Variants in RABL6 observed in about 807,000 individuals in gnomAD.
RABL6 encodes RAB, member RAS oncogene family like 6, also known as rab-like protein 6.
Under a neutral mutation model 72.9 loss-of-function variants are expected in RABL6, and 28 were observed. The ratio of observed to expected loss-of-function variants is 0.38; its 90% confidence interval spans 0.28 to 0.53. The LOEUF (loss-of-function observed/expected upper bound fraction) is 0.53, where lower values mean the gene tolerates loss of function less well. RABL6 is among the 20% of genes least tolerant of loss of function. The probability of loss-of-function intolerance (pLI) is 0.80; values close to 1 mark genes in which losing one functional copy is unlikely to be tolerated. For synonymous variants in RABL6, 477 were observed against 421.2 expected (o/e 1.13, Z -1.62); for missense variants, 1,029 against 1,008.4 (o/e 1.02, Z -0.28).
At chr9:136,838,186 A>G (rs1031974201) in intron 10 of RABL6, among the ~76,000 whole-genome samples, 171 bp downstream of exon 10, 1 of 152,180 alleles carries the variant, frequency 6.6e-6, no homozygotes, top group Admixed American at 6.5e-5. Context: ...AAGGGCTTGG[A>G]CGGGGCTTCC....
chr9:136,823,415 A>G, intron 1 of RABL6, 110 bp from the exon 2 acceptor site: 1 of 1,417,910 alleles, frequency 7.1e-7, no homozygotes, highest in Non-Finnish European at 9.5e-7. Flanking sequence ...TCTAGCAAGA[A>G]AGATGAAACA....
chr9:136,834,929 T>TA (rs71385775), intron 7 of RABL6, among the ~76,000 whole-genome samples: 18,846 of 73,992 alleles, frequency 0.25, 1,890 homozygotes, highest in Non-Finnish European at 0.3. Flanking sequence ...GACCCTGTTC[T>TA]AAAAAAAAAA....
At chr9:136,816,905 A>G (rs950183557) in intron 1 of RABL6, among the ~76,000 whole-genome samples, 4 of 152,202 alleles carry the variant, frequency 2.6e-5, no homozygotes, top group Non-Finnish European at 4.4e-5. Context: ...AGAGAAAATA[A>G]GACTCTTCAT....
chr9:136,835,830 AC>A lies in RABL6; in HGVS notation c.796del (p.Gln266ArgfsTer9). On this transcript the variant is annotated frameshift_variant, in exon 8 of 15. Coordinates refer to ENST00000311502, the MANE Select transcript of RABL6 (RefSeq NM_024718.5). LOFTEE classifies it high-confidence loss of function. ...CTGTCGGTGCAGCAGGAGACGGAGG[AC>A]CAGAACTACGGCATGTATGTGGCCG... is the stretch of plus-strand genomic sequence containing the variant. ...EELSVQQETE[D>X]QNYGIFLEMM... 6.4e-7 allele frequency: 1 copy of A among 1,554,438 alleles called. No individual in the cohort carries two copies. Among genetic ancestry groups the A allele is most frequent in the Non-Finnish European group, 8.7e-7 (1 of 1,150,206 alleles).
chr9:136,833,827 G>C (rs1040888833), intron 7 of RABL6: 3 of 1,550,432 alleles, frequency 1.9e-6, no homozygotes, highest in Non-Finnish European at 2.6e-6. Flanking sequence ...TGGGTTGGAA[G>C]GAAGGCGGCA....
intron 1 of RABL6, among the ~76,000 whole-genome samples, chr9:136,819,324 G>GAAAA (rs57726746): frequency 3.4e-5 from 2 of 58,918 alleles, no homozygotes; most frequent in East Asian, 3.8e-4. Context: ...TCCGTCTCAA[G>GAAAA]AAAAAAAAAA....
intron 1 of RABL6, chr9:136,813,805 CAG>C (rs1011830766): frequency 3.0e-5 from 6 of 198,224 alleles, no homozygotes; most frequent in African/African-American, 9.6e-5. Context: ...TTAGTAGAGA[CAG>C]GGTTTCACCG....
At position 136,839,320 on chromosome 9, in the gene RABL6, A is replaced by G. The variant is rs1848643479; in HGVS notation, c.1592A>G (p.Glu531Gly). 6.2e-7 allele frequency: 1 copy of G among 1,612,382 alleles called. No homozygotes were observed. Among genetic ancestry groups the G allele is most frequent in the Non-Finnish European group, 8.5e-7 (1 of 1,179,768 alleles). ...GGTGTCTCTGTTCGCACAGGTCCGG[A>G]GAAGCGCAGCAGCACCAGGCCCCCT... ...PGGVSVRTGP[E>G]KRSSTRPPAE... The change falls in exon 12 of 15, where the codon GAG becomes GGG. Residue 531 changes from glutamate (E) to glycine (G), a missense_variant. Physicochemically the swap from Glu to Gly is moderately conservative, Grantham distance 98 (BLOSUM62 -2). Coordinates refer to ENST00000311502, the MANE Select transcript of RABL6 (RefSeq NM_024718.5).
At chr9:136,835,602 T>G in intron 7 of RABL6, 140 bp from the exon 8 acceptor site, 4 of 688,742 alleles carry the variant, frequency 5.8e-6, no homozygotes, top group Non-Finnish European at 9.7e-6. Context: ...CAGAGCTCCA[T>G]GAGTTGCTGA....
intron 7 of RABL6, chr9:136,835,514 T>A: frequency 2.0e-6 from 1 of 498,174 alleles, no homozygotes; most frequent in Non-Finnish European, 3.6e-6. Context: ...CCCCAAGCCA[T>A]GCTGGCAGTG....
At chr9:136,823,256 G>GC (rs1332837482) in intron 1 of RABL6, among the ~76,000 whole-genome samples, 1 of 143,338 alleles carries the variant, frequency 7.0e-6, no homozygotes, top group Admixed American at 6.7e-5. Context: ...CAAGTAGAAA[G>GC]CCTGACCTGG....
chr9:136,815,795 A>G (rs1848107520), intron 1 of RABL6, among the ~76,000 whole-genome samples: 1 of 152,250 alleles, frequency 6.6e-6, no homozygotes, highest in African/African-American at 2.4e-5. Flanking sequence ...AGCTGCAGGA[A>G]TGTGAAGGAG....
chr9:136,837,076 T>C (rs1157685646), intron 8 of RABL6: 9 of 587,316 alleles, frequency 1.5e-5, no homozygotes, highest in Non-Finnish European at 1.8e-5. Context: ...GGGGTTTCAC[T>C]GCGTTAGCCA....
chr9:136,840,834 G>T lies in RABL6; in HGVS notation c.*312G>T. On this transcript the variant is annotated 3_prime_UTR_variant, in exon 15 of 15. Coordinates refer to ENST00000311502, the MANE Select transcript of RABL6 (RefSeq NM_024718.5). ...TGTGACTGAGGCCCAGGAGGGACCT[G>T]TGAGGGTCTGTTTACAGAGGCTGGG... is the stretch of plus-strand genomic sequence containing the variant. 2 of 1,546,074 alleles carry T rather than the reference G, an allele frequency of 1.3e-6. No homozygotes were observed. The highest frequency in any genetic ancestry group is 1.4e-5 in the African/African-American group (1 of 73,116).
At position 136,840,465 on chromosome 9, in the gene RABL6, G is replaced by A; in HGVS notation, c.2133G>A (p.Leu711=). ...CTGCCGATGAGCTGGAGGCTTTCCT[G>A]GGGGGCGGGGCCCCGGGCGGCCGCC... The part of the protein sequence containing the change: ...RTAADELEAF[L]GGGAPGGRHP... Residue 711 remains leucine, a synonymous_variant, in exon 15 of 15, where the codon CTG becomes CTA. Transcript: ENST00000311502. 6.5e-7 allele frequency: 1 copy of A among 1,536,706 alleles called. No homozygotes were observed. The highest frequency in any genetic ancestry group is 8.8e-7 in the Non-Finnish European group (1 of 1,141,990).
At chr9:136,823,707 C>T (rs781195182) in intron 2 of RABL6, 48 bp downstream of exon 2, 26 of 1,541,734 alleles carry the variant, frequency 1.7e-5, no homozygotes, top group Admixed American at 3.9e-5. Context: ...GGCTTCTCCT[C>T]CCTCAGCCCT....
In RABL6 at chr9:136,808,346, G is replaced by C; in HGVS notation, c.130+20G>C. ...ACAACAGTGAGTGCGGCGGGCCGGGGGGGCGCGGGAGCGCCGCGCGGGTCT... is the reference window on the plus strand; with the variant it reads ...ACAACAGTGAGTGCGGCGGGCCGGGCGGGCGCGGGAGCGCCGCGCGGGTCT... On this transcript the variant is annotated intron_variant, in intron 1 of 14. Coordinates refer to ENST00000311502, the MANE Select transcript of RABL6 (RefSeq NM_024718.5). The C allele has an allele frequency of 6.7e-7, 1 of 1,500,106 alleles. No individual in the cohort carries two copies. Among genetic ancestry groups the C allele is most frequent in the Non-Finnish European group, 8.9e-7 (1 of 1,126,176 alleles). 92.9% of individuals were successfully genotyped at this position (1,500,106 alleles called of 1,614,324 possible). A position where few individuals can be genotyped will look rare whatever the true frequency, so the allele number is the denominator to read the frequency against.
At chr9:136,837,287 C>G (rs765755780) in intron 8 of RABL6, 59 bp from the exon 9 acceptor site, 2 of 1,519,002 alleles carry the variant, frequency 1.3e-6, no homozygotes, top group Non-Finnish European at 1.8e-6. Context: ...CCCCTGTCAC[C>G]TGAGGGCCTC....
chr9:136,810,859 C>G (rs911751057), intron 1 of RABL6, among the ~76,000 whole-genome samples: 2 of 152,102 alleles, frequency 1.3e-5, no homozygotes, highest in Non-Finnish European at 2.9e-5. Flanking sequence ...TTTATTTTCT[C>G]AAATATTTTA....
Sources: allele counts gnomAD v4.1 joint callset (sites outside exome capture counted in the v4.1 genomes callset), GRCh38; gene constraint gnomAD v4.1.1; transcripts MANE v1.5; gene names NCBI Gene and HGNC (gene_info 2026-07-23, HGNC 2026-07-21).